Variants in CALCR observed in about 807,000 individuals in gnomAD.
CALCR encodes calcitonin receptor.
CALCR carries 47 observed loss-of-function variants against 59.5 expected under a neutral mutation model. The observed-to-expected ratio is 0.79, with a 90% CI of 0.63 to 1.01. The LOEUF (loss-of-function observed/expected upper bound fraction) is 1.01, where lower values mean the gene tolerates loss of function less well. CALCR is among the 50% of genes least tolerant of loss of function. The probability of loss-of-function intolerance (pLI) is 0.00; values close to 1 mark genes in which losing one functional copy is unlikely to be tolerated. For missense variants in CALCR, 566 were observed against 597.1 expected (o/e 0.95, Z 0.54); for synonymous variants, 213 against 211.3 (o/e 1.01, Z -0.07).
At chr7:93,431,514 A>T (rs1799659065) in intron 13 of CALCR, among the ~76,000 whole-genome samples, 1 of 152,148 alleles carries the variant, frequency 6.6e-6, no homozygotes, top group Non-Finnish European at 1.5e-5. Context: ...AGGTGAAAAG[A>T]CTTCTCGAGG....
intron 10 of CALCR, 24 bp from the exon 11 acceptor site, chr7:93,438,150 T>G (rs1382037690): frequency 1.9e-5 from 30 of 1,613,142 alleles, no homozygotes; most frequent in Non-Finnish European, 2.5e-5. Context: ...AGGGGACAAT[T>G]AATACACAAA....
chr7:93,482,802 T>G (rs1290224865), intron 3 of CALCR: 1 of 533,642 alleles, frequency 1.9e-6, no homozygotes. Flanking sequence ...CAAACTCCAG[T>G]GAACTTGTTT....
At position 93,492,128 on chromosome 7, in the gene CALCR, A is replaced by G. The variant is rs142549972; in HGVS notation, c.-26-5121T>C. ...GATGAAGCTGAAAGCCATCATCCTC[A>G]GCAAACTAACACAGGAACAGAAAAC... On this transcript the variant is annotated intron_variant, in intron 2 of 13. Transcript: ENST00000426151. Among the ~76,000 whole-genome samples the G allele has an allele frequency of 5.6e-3, 857 of 151,814 alleles. 7 individuals are homozygous for G. The highest frequency in any genetic ancestry group is 0.018 in the African/African-American group (748 of 41,488).
At chr7:93,452,574 G>C (rs1262016317) in intron 8 of CALCR, among the ~76,000 whole-genome samples, 6 of 152,008 alleles carry the variant, frequency 3.9e-5, no homozygotes, top group African/African-American at 1.4e-4. Flanking sequence ...TCAATTAAAA[G>C]TGAGTCTGTT....
intron 2 of CALCR, among the ~76,000 whole-genome samples, chr7:93,564,804 T>A (rs1361194152): frequency 6.6e-6 from 1 of 152,046 alleles, no homozygotes; most frequent in African/African-American, 2.4e-5. Context: ...ACTGTCATAC[T>A]TTGCAGAAAG....
chr7:93,506,646 A>ATT lies in CALCR; in HGVS notation c.-26-19641_-26-19640dup, dbSNP rs111234461. Among the ~76,000 whole-genome samples, 386 of 141,452 alleles carry ATT rather than the reference A, an allele frequency of 2.7e-3. 3 individuals are homozygous for ATT. Among genetic ancestry groups the ATT allele is most frequent in the African/African-American group, 8.9e-3 (348 of 38,894 alleles). The allele number at this position is 141,452 out of a possible 152,430, so 92.8% of individuals were successfully genotyped here. ...TTTGGTCAAACAGTTGTTGATTGTG[A>ATT]TTTTTTTTTTTTTTTGGCTTCACTT... On this transcript the variant is annotated intron_variant, in intron 2 of 13. Coordinates refer to ENST00000426151, the MANE Select transcript of CALCR (RefSeq NM_001742.4).
intron 2 of CALCR, among the ~76,000 whole-genome samples, chr7:93,532,146 T>C (rs1022405468): frequency 4.6e-5 from 7 of 152,074 alleles, no homozygotes; most frequent in African/African-American, 9.7e-5. Flanking sequence ...AAAGTAGTGG[T>C]AAAATAAATC....
chr7:93,557,370 A>T (rs1289858349), intron 2 of CALCR, among the ~76,000 whole-genome samples: 2 of 151,906 alleles, frequency 1.3e-5, no homozygotes. Context: ...AAATCAAGCT[A>T]ATTAACATAT....
chr7:93,550,612 C>CACACAG (rs906506198), intron 2 of CALCR, among the ~76,000 whole-genome samples: 1 of 140,804 alleles, frequency 7.1e-6, no homozygotes, highest in Non-Finnish European at 1.6e-5. Context: ...CACACACACA[C>CACACAG]ACACACACAC....
chr7:93,443,641 C>T lies in CALCR; in HGVS notation c.765G>A (p.Glu255=), dbSNP rs73419385. 3.8e-3 allele frequency: 6,070 copies of T among 1,613,402 alleles called. 171 individuals are homozygous for T. The African/African-American group carries it at 0.067, about 18-fold the overall frequency. The change falls in exon 9 of 14, where the codon GAG becomes GAA. Residue 255 remains glutamate (E), a synonymous_variant. Coordinates refer to ENST00000426151, the MANE Select transcript of CALCR (RefSeq NM_001742.4). The stretch of plus-strand genomic sequence containing the variant: ...GATAATACCACCGCAAGCGTTGCTT[C>T]TCAGTAAACACAGCCACGACAATGA... ...HTLIVVAVFT[E]KQRLRWYYLL...
chr7:93,533,567 T>C (rs2116144471), intron 2 of CALCR, among the ~76,000 whole-genome samples: 1 of 151,976 alleles, frequency 6.6e-6, no homozygotes, highest in Non-Finnish European at 1.5e-5. Context: ...TGAGATAAGG[T>C]TCCAATGGGA....
At chr7:93,547,020 T>TC (rs895784091) in intron 2 of CALCR, among the ~76,000 whole-genome samples, 82 of 152,276 alleles carry the variant, frequency 5.4e-4, no homozygotes, top group African/African-American at 1.9e-3. Flanking sequence ...GGACAAGCTC[T>TC]CAGAAGGCAC....
intron 12 of CALCR, 125 bp from the exon 13 acceptor site, chr7:93,434,419 T>C (rs1053905445): frequency 3.1e-6 from 2 of 652,304 alleles, no homozygotes; most frequent in African/African-American, 3.7e-5. Flanking sequence ...AAAAGAATTA[T>C]CTACCATTCA....
At chr7:93,557,670 A>G (rs1053303891) in intron 2 of CALCR, among the ~76,000 whole-genome samples, 1 of 151,948 alleles carries the variant, frequency 6.6e-6, no homozygotes, top group Admixed American at 6.6e-5. Flanking sequence ...TTATGATTAT[A>G]ACACCTAGAT....
At chr7:93,464,703 C>T (rs956681682) in intron 7 of CALCR, among the ~76,000 whole-genome samples, 1 of 151,794 alleles carries the variant, frequency 6.6e-6, no homozygotes, top group Non-Finnish European at 1.5e-5. Flanking sequence ...AAGAATATGC[C>T]GTGGTATGAT....
rs566655220 is a variant in CALCR, at chr7:93,507,805, C to T, written c.-26-20798G>A. ...AGGCATGGTGGCGGGCGCCTGTAGTCCCAGCTACTTGGGAGGCTGAGGCAG... is the reference window on the plus strand; with the variant it reads ...AGGCATGGTGGCGGGCGCCTGTAGTTCCAGCTACTTGGGAGGCTGAGGCAG... On this transcript the variant is annotated intron_variant, in intron 2 of 13. Transcript: ENST00000426151. Among the ~76,000 whole-genome samples the T allele has an allele frequency of 2.0e-5, 3 of 150,932 alleles. No homozygotes were observed. The East Asian group carries it at 5.8e-4, about 29-fold the overall frequency.
At chr7:93,436,256 G>T in intron 11 of CALCR, 86 bp from the exon 12 acceptor site, 2 of 1,101,592 alleles carry the variant, frequency 1.8e-6, no homozygotes, top group Non-Finnish European at 1.3e-6. Flanking sequence ...TTTATCCAGT[G>T]TGAGCAACAA....
At chr7:93,474,528 C>T (rs1800624364) in intron 5 of CALCR, among the ~76,000 whole-genome samples, 1 of 151,588 alleles carries the variant, frequency 6.6e-6, no homozygotes, top group South Asian at 2.1e-4. Context: ...TAAATTCTAA[C>T]CTCTGAATTG....
chr7:93,476,073 A>G (rs1800659805), intron 5 of CALCR, among the ~76,000 whole-genome samples: 1 of 151,674 alleles, frequency 6.6e-6, no homozygotes, highest in African/African-American at 2.4e-5. Flanking sequence ...TGCATTTTTC[A>G]TAAGCTCACA....
Sources: allele counts gnomAD v4.1 joint callset (sites outside exome capture counted in the v4.1 genomes callset), GRCh38; gene constraint gnomAD v4.1.1; transcripts MANE v1.5; gene names NCBI Gene and HGNC (gene_info 2026-07-23, HGNC 2026-07-21).